TRAPPC11: variants seen among roughly 807,000 people sequenced by gnomAD.
The protein encoded by TRAPPC11 is foie gras homolog.
A neutral mutation model predicts 151.2 loss-of-function variants in TRAPPC11; 104 were observed. That is an observed-to-expected ratio of 0.69 (90% CI 0.59 to 0.81). The LOEUF is 0.81. Among genes scored for constraint, TRAPPC11 ranks in the 30% least tolerant of loss-of-function variants. The probability of loss-of-function intolerance (pLI) is 0.00; values close to 1 mark genes in which losing one functional copy is unlikely to be tolerated. For synonymous variants in TRAPPC11, 456 were observed against 472.3 expected (o/e 0.97, Z 0.45); for missense variants, 1,230 against 1,349.6 (o/e 0.91, Z 1.39).
At chr4:183,701,587 G>C in intron 25 of TRAPPC11, 110 bp from the exon 26 acceptor site, 2 of 731,804 alleles carry the variant, frequency 2.7e-6, no homozygotes, top group Non-Finnish European at 4.8e-6. Flanking sequence ...GTCTCTACAA[G>C]TAATATATAG....
At chr4:183,662,772 T>A (rs1171880411) in intron 1 of TRAPPC11, among the ~76,000 whole-genome samples, 4 of 152,128 alleles carry the variant, frequency 2.6e-5, no homozygotes, top group African/African-American at 9.7e-5. Flanking sequence ...TTCAATATAT[T>A]TTTCTTTTAT....
chr4:183,701,410 A>T, intron 25 of TRAPPC11: 1 of 265,254 alleles, frequency 3.8e-6, no homozygotes, highest in Non-Finnish European at 7.1e-6. Flanking sequence ...TAAGATATTG[A>T]TTCTGTCTCT....
chr4:183,675,240 A>G lies in TRAPPC11; in HGVS notation c.734+3A>G. On this transcript the variant is annotated splice_donor_region_variant and intron_variant, in intron 7 of 29. Coordinates refer to ENST00000334690, the MANE Select transcript of TRAPPC11 (RefSeq NM_021942.6). Reference sequence around the variant, plus strand: ...CAAGATACACAAAATGCGCTGAAGTAAGTTAAGCTTTCAAACTAAATGTTT... The same window carrying G: ...CAAGATACACAAAATGCGCTGAAGTGAGTTAAGCTTTCAAACTAAATGTTT... The G allele has an allele frequency of 6.6e-7, 1 of 1,519,538 alleles. No homozygotes were observed. The highest frequency in any genetic ancestry group is 8.9e-7 in the Non-Finnish European group (1 of 1,128,914). 94.1% of individuals were successfully genotyped at this position (1,519,538 alleles called of 1,614,324 possible). A position where few individuals can be genotyped will look rare whatever the true frequency, so the allele number is the denominator to read the frequency against.
intron 5 of TRAPPC11, among the ~76,000 whole-genome samples, chr4:183,670,738 T>C (rs1735111787): frequency 6.6e-6 from 1 of 152,142 alleles, no homozygotes; most frequent in Non-Finnish European, 1.5e-5. Flanking sequence ...CCTGAATAGC[T>C]GGGACTACAG....
chr4:183,680,436 CTG>C (rs1561040316), intron 10 of TRAPPC11, among the ~76,000 whole-genome samples, 169 bp downstream of exon 10: 2 of 152,124 alleles, frequency 1.3e-5, no homozygotes, highest in African/African-American at 4.8e-5. Context: ...CCTGAGTACT[CTG>C]TTTTCACCTG....
In TRAPPC11 at chr4:183,672,218, CTG is replaced by C. The variant is rs558243841; in HGVS notation, c.561-2492_561-2491del. ...GTTTAAGGAAGAGGAAGGCCTGCAA[CTG>C]TGCTTGAAGGTGTGGATTAGTGGGA... is the stretch of plus-strand genomic sequence containing the variant. On this transcript the variant is annotated intron_variant, in intron 5 of 29. Transcript: ENST00000334690. Among the ~76,000 whole-genome samples, 10 of 152,306 alleles carry C rather than the reference CTG, an allele frequency of 6.6e-5. No individual in the cohort carries two copies. In the South Asian group the frequency reaches 2.1e-3, roughly 32 times the overall value.
Position 183,691,416 on chromosome 4 carries a change from G to T in TRAPPC11, c.1994G>T (p.Arg665Ile). ...GKMCLVPGKT[R>I]KLLFKFVAKT... is the part of the protein sequence containing the mutation. The stretch of plus-strand genomic sequence containing the variant: ...ATGTGCCTAGTTCCTGGCAAAACAA[G>T]AAAACTGTTATTTAAGTTTGTTGCA... The change falls in exon 19 of 30, where the codon AGA becomes ATA. Residue 665 changes from arginine (R) to isoleucine (I), a missense_variant. Physicochemically the swap from Arg to Ile is moderately conservative, Grantham distance 97 (BLOSUM62 -3). Coordinates refer to ENST00000334690, the MANE Select transcript of TRAPPC11 (RefSeq NM_021942.6). 1 of 1,543,164 alleles carries T rather than the reference G, an allele frequency of 6.5e-7. No homozygotes were observed. The highest frequency in any genetic ancestry group is 8.8e-7 in the Non-Finnish European group (1 of 1,136,302).
At chr4:183,682,481 A>T (rs1056314748) in intron 10 of TRAPPC11, among the ~76,000 whole-genome samples, 2 of 152,212 alleles carry the variant, frequency 1.3e-5, no homozygotes, top group Non-Finnish European at 2.9e-5. Flanking sequence ...AGCAAAGATT[A>T]AAAAAGTGAA....
intron 1 of TRAPPC11, among the ~76,000 whole-genome samples, chr4:183,659,803 G>A (rs1253451082): frequency 6.6e-6 from 1 of 152,000 alleles, no homozygotes; most frequent in Non-Finnish European, 1.5e-5. Flanking sequence ...CCACACTGTC[G>A]TTCCTCTTTT....
intron 5 of TRAPPC11, among the ~76,000 whole-genome samples, chr4:183,673,800 T>C (rs1735274906): frequency 6.6e-6 from 1 of 152,238 alleles, no homozygotes; most frequent in Non-Finnish European, 1.5e-5. Flanking sequence ...TGAGTTCTGC[T>C]TTCTTTCACG....
At chr4:183,661,279 G>T (rs759847220) in intron 1 of TRAPPC11, among the ~76,000 whole-genome samples, 3 of 150,668 alleles carry the variant, frequency 2.0e-5, no homozygotes, top group African/African-American at 2.4e-5. Context: ...TGGGGATTAG[G>T]TATTAGCCTA....
rs1171797953 is a variant in TRAPPC11, at chr4:183,708,462, C to T, written c.3245C>T (p.Pro1082Leu). 2 of 1,614,068 alleles carry T rather than the reference C, an allele frequency of 1.2e-6. No individual in the cohort carries two copies. The highest frequency in any genetic ancestry group is 1.7e-6 in the Non-Finnish European group (2 of 1,179,988). ...TEQEMLYNFY[P>L]LMAGYQQLPS... ...CAGGAAATGCTATATAATTTCTATC[C>T]TCTGATGGCTGGATACCAGCAGCTG... The change falls in exon 29 of 30, where the codon CCT becomes CTT. Residue 1082 changes from proline (P) to leucine (L), a missense_variant. Physicochemically the swap from Pro to Leu is moderately conservative, Grantham distance 98 (BLOSUM62 -3). Coordinates refer to ENST00000334690, the MANE Select transcript of TRAPPC11 (RefSeq NM_021942.6).
At chr4:183,688,322 AG>A (rs773298127) in intron 18 of TRAPPC11, among the ~76,000 whole-genome samples, 63 of 152,256 alleles carry the variant, frequency 4.1e-4, no homozygotes, top group Middle Eastern at 3.4e-3. Context: ...GAAAAGATGG[AG>A]GGGGAGAACA....
At chr4:183,673,023 C>T (rs537748397) in intron 5 of TRAPPC11, among the ~76,000 whole-genome samples, 5 of 144,558 alleles carry the variant, frequency 3.5e-5, no homozygotes, top group African/African-American at 1.0e-4. Context: ...AGTACAGTGG[C>T]GTCATCTCCG....
Position 183,686,739 on chromosome 4 carries a change from T to C in TRAPPC11, c.1884T>C (p.Phe628=). Residue 628 remains phenylalanine (F), a synonymous_variant, in exon 18 of 30, where the codon TTT becomes TTC. Coordinates refer to ENST00000334690, the MANE Select transcript of TRAPPC11 (RefSeq NM_021942.6). ...GGTTTTCCAAGCTCTGTGTCAGCTT[T>C]AATAATCAGGTAATGATGCCATGTC... ...PIRFSKLCVS[F]NNQEYNQFCV... The C allele has an allele frequency of 6.2e-7, 1 of 1,614,088 alleles. No homozygotes were observed. Among genetic ancestry groups the C allele is most frequent in the Non-Finnish European group, 8.5e-7 (1 of 1,179,972 alleles).
chr4:183,670,845 G>C (rs556056717), intron 5 of TRAPPC11, among the ~76,000 whole-genome samples: 1 of 152,184 alleles, frequency 6.6e-6, no homozygotes, highest in South Asian at 2.1e-4. Flanking sequence ...GAGTGCAGTG[G>C]CGTGGTCTTG....
intron 7 of TRAPPC11, chr4:183,675,757 T>C (rs889580033): frequency 5.9e-5 from 9 of 152,246 alleles, no homozygotes; most frequent in African/African-American, 2.2e-4. Context: ...AGTACATTTA[T>C]TAAATTCAAT....
Position 183,708,540 on chromosome 4 carries a change from T to C in TRAPPC11, c.3323T>C (p.Leu1108Pro). 1 of 1,614,104 alleles carries C rather than the reference T, an allele frequency of 6.2e-7. No individual in the cohort carries two copies. The highest frequency in any genetic ancestry group is 1.1e-5 in the South Asian group (1 of 91,082). Reference protein sequence around the residue: ...LRFPNFTNQLLRRFIPTSIFV... With the variant: ...LRFPNFTNQLPRRFIPTSIFV... ...TTTCCTAACTTCACAAATCAGCTGCTCAGGCGTTTTATACCTACCAGTATT... is the reference window on the plus strand; with the variant it reads ...TTTCCTAACTTCACAAATCAGCTGCCCAGGCGTTTTATACCTACCAGTATT... Residue 1108 changes from leucine to proline, a missense_variant, in exon 29 of 30, where the codon CTC becomes CCC. By Grantham distance (98) the Leu-to-Pro change is moderately conservative (BLOSUM62 -3). Transcript: ENST00000334690.
At chr4:183,686,497 G>A in intron 17 of TRAPPC11, 121 bp from the exon 18 acceptor site, 11 of 1,124,402 alleles carry the variant, frequency 9.8e-6, no homozygotes, top group Non-Finnish European at 1.4e-5. Flanking sequence ...CTTAAGTGCA[G>A]AAGTCAGTAA....
Sources: allele counts gnomAD v4.1 joint callset (sites outside exome capture counted in the v4.1 genomes callset), GRCh38; gene constraint gnomAD v4.1.1; transcripts MANE v1.5; gene names NCBI Gene and HGNC (gene_info 2026-07-23, HGNC 2026-07-21).